The following ARHGEF1 variants were observed in gnomAD, a reference collection of about 807,000 sequenced individuals.
ARHGEF1 encodes Rho guanine nucleotide exchange factor 1, also known as 115 kDa guanine nucleotide exchange factor.
Under a neutral mutation model 119.7 loss-of-function variants are expected in ARHGEF1, and 40 were observed. The ratio of observed to expected loss-of-function variants is 0.33; its 90% confidence interval spans 0.26 to 0.44. The LOEUF is 0.44. Among genes scored for constraint, ARHGEF1 ranks in the 20% least tolerant of loss-of-function variants. The pLI, the probability that ARHGEF1 is intolerant of heterozygous loss-of-function variation, is 1.00. For missense variants in ARHGEF1, 976 were observed against 1,268.3 expected, an observed-to-expected ratio of 0.77 and a Z score of 3.50; for synonymous variants, 494 against 521.0, an observed-to-expected ratio of 0.95 and a Z score of 0.71.
intron 1 of ARHGEF1, among the ~76,000 whole-genome samples, chr19:41,926,794 C>G (rs1470048030): frequency 6.6e-6 from 1 of 152,156 alleles, no homozygotes; most frequent in South Asian, 2.1e-4. Context: ...AGCGACCGAT[C>G]GATTCGCTAT....
chr19:41,918,203 C>T (rs946403721), upstream of ARHGEF1, among the ~76,000 whole-genome samples: 24 of 151,910 alleles, frequency 1.6e-4, no homozygotes, highest in Non-Finnish European at 3.1e-4. Context: ...CACATGTATA[C>T]GCCACATATA....
At chr19:41,908,292 T>C, downstream of ARHGEF1, 2 of 1,231,544 alleles carry the variant, frequency 1.6e-6, no homozygotes, top group African/African-American at 3.1e-5. The surrounding 1 kb of genome is among the most constrained non-coding windows in gnomAD (Gnocchi z 6.7). Flanking sequence ...CTCATCGCCC[T>C]CGCTGTCAGA....
In ARHGEF1 at chr19:41,905,049, C is replaced by G; in HGVS notation, c.2249+13C>G. 1 of 1,613,804 alleles carries G rather than the reference C, an allele frequency of 6.2e-7. No individual in the cohort carries two copies. Among genetic ancestry groups the G allele is most frequent in the Non-Finnish European group, 8.5e-7 (1 of 1,179,738 alleles). On this transcript the variant is annotated intron_variant, in intron 23 of 28. Transcript: ENST00000354532. The surrounding 1 kb of genome is among the most constrained non-coding windows in gnomAD (Gnocchi z 6.4). The stretch of plus-strand genomic sequence containing the variant: ...CGGAGCGGAAAAAGTGAGGGGGGGT[C>G]TGAGTTCTGAGTGTGGGTGGAGGAC...
rs1192979656 is a variant in ARHGEF1 at position 41,906,120 on chromosome 19, G to A, written c.2491+95G>A. The stretch of plus-strand genomic sequence containing the variant: ...CTCTCCACGTCAAAAATTTCCTTAC[G>A]CCCAGCTGCCAGAAAACAAATGCTC... On this transcript the variant is annotated intron_variant, in intron 26 of 28. Transcript: ENST00000354532. This position sits in a 1 kb window ranked among gnomAD's most constrained non-coding sequence, Gnocchi z 4.5. 17 of 1,235,882 alleles carry A rather than the reference G, an allele frequency of 1.4e-5. No individual in the cohort carries two copies. The highest frequency in any genetic ancestry group is 1.0e-4 in the South Asian group (8 of 79,034). 76.6% of individuals were successfully genotyped at this position (1,235,882 alleles called of 1,614,324 possible). A position where few individuals can be genotyped will look rare whatever the true frequency, so the allele number is the denominator to read the frequency against.
chr19:41,907,405 A>T lies in ARHGEF1; in HGVS notation c.*318A>T. 1 of 1,533,620 alleles carries T rather than the reference A, an allele frequency of 6.5e-7. No homozygotes were observed. Among genetic ancestry groups the T allele is most frequent in the South Asian group, 1.2e-5 (1 of 83,832 alleles). On this transcript the variant is annotated 3_prime_UTR_variant, in exon 29 of 29. Coordinates refer to ENST00000354532, the MANE Select transcript of ARHGEF1 (RefSeq NM_004706.4). ...CCCCAAGTGCCTTCGCTCTGTTTTT[A>T]TACCCTGAATTGGAGGTTTATTTTT...
chr19:41,889,691 G>GC lies in ARHGEF1; in HGVS notation c.225+829dup, dbSNP rs1555845882. 2 of 152,268 alleles carry GC rather than the reference G, an allele frequency of 1.3e-5. No homozygotes were observed. Among genetic ancestry groups the GC allele is most frequent in the Non-Finnish European group, 2.9e-5 (2 of 68,068 alleles). The allele number at this position is 152,268 out of a possible 1,614,324, so 9.4% of individuals were successfully genotyped here. On this transcript the variant is annotated intron_variant, in intron 4 of 28. Coordinates refer to ENST00000354532, the MANE Select transcript of ARHGEF1 (RefSeq NM_004706.4). The surrounding 1 kb of genome is among the most constrained non-coding windows in gnomAD (Gnocchi z 4.0). ...GGAAACCGATAGAGTGGGGAGAAGT[G>GC]CCCGAGGCATGCAGAAAGAAGAACA...
intron 14 of ARHGEF1, among the ~76,000 whole-genome samples, chr19:41,899,412 T>A (rs957351861): frequency 2.0e-5 from 3 of 152,060 alleles, no homozygotes; most frequent in Non-Finnish European, 2.9e-5. Flanking sequence ...TGCTTCTGCG[T>A]GGAGAGATGA....
chr19:41,885,932 T>C (rs2074288159), intron 1 of ARHGEF1, among the ~76,000 whole-genome samples: 1 of 151,802 alleles, frequency 6.6e-6, no homozygotes, highest in Admixed American at 6.6e-5. Flanking sequence ...TTTGTAGAGA[T>C]GGGGGTTTCA....
chr19:41,905,708 G>T lies in ARHGEF1; in HGVS notation c.2337-52G>T. ...TCCAGCTCTCTGTCTCCCTGCCCCTGCGGCCCCCCAGGGCCAGGGGTGTGG... is the reference window on the plus strand; with the variant it reads ...TCCAGCTCTCTGTCTCCCTGCCCCTTCGGCCCCCCAGGGCCAGGGGTGTGG... On this transcript the variant is annotated intron_variant, in intron 24 of 28. Transcript: ENST00000354532. The surrounding 1 kb of genome is among the most constrained non-coding windows in gnomAD (Gnocchi z 6.4). The T allele has an allele frequency of 6.3e-7, 1 of 1,593,114 alleles. No individual in the cohort carries two copies.
chr19:41,892,612 G>C lies in ARHGEF1; in HGVS notation c.377G>C (p.Arg126Thr). 3 of 1,603,422 alleles carry C rather than the reference G, an allele frequency of 1.9e-6. No homozygotes were observed. Among genetic ancestry groups the C allele is most frequent in the Non-Finnish European group, 1.7e-6 (2 of 1,173,564 alleles). ...PNVAFELDRT[R>T]ADLISEDVQR... ...ATGTGTGTCCCTGCAGACCGCACTA[G>C]GGCTGACCTCATCTCCGAGGATGTC... The change falls in exon 7 of 29, where the codon AGG becomes ACG. Residue 126 changes from arginine to threonine, a missense_variant. Transcript: ENST00000354532. The surrounding 1 kb of genome is among the most constrained non-coding windows in gnomAD (Gnocchi z 6.3).
downstream of ARHGEF1, chr19:41,909,037 C>A: frequency 8.3e-7 from 1 of 1,209,682 alleles, no homozygotes; most frequent in Non-Finnish European, 1.0e-6. The surrounding 1 kb of genome is among the most constrained non-coding windows in gnomAD (Gnocchi z 5.2). Flanking sequence ...GCCCCCAGCA[C>A]CCCAGAACCT....
chr19:41,903,830 C>T lies in ARHGEF1; in HGVS notation c.1917+46C>T. ...CTCCCCCGCCCCCCTACTCCTTGGCCCAGGGGATTCTGTGATACAGCCCCC... is the reference window on the plus strand; with the variant it reads ...CTCCCCCGCCCCCCTACTCCTTGGCTCAGGGGATTCTGTGATACAGCCCCC... On this transcript the variant is annotated intron_variant, in intron 20 of 28. Coordinates refer to ENST00000354532, the MANE Select transcript of ARHGEF1 (RefSeq NM_004706.4). This position sits in a 1 kb window ranked among gnomAD's most constrained non-coding sequence, Gnocchi z 4.2. 6.3e-7 allele frequency: 1 copy of T among 1,591,862 alleles called. No homozygotes were observed. Among genetic ancestry groups the T allele is most frequent in the Non-Finnish European group, 8.6e-7 (1 of 1,161,682 alleles).
rs1555849456 is a variant in ARHGEF1 at position 41,903,371 on chromosome 19, C to T, written c.1803C>T (p.His601=). 6.2e-6 allele frequency: 10 copies of T among 1,613,838 alleles called. No individual in the cohort carries two copies. Among genetic ancestry groups the T allele is most frequent in the African/African-American group, 2.7e-5 (2 of 74,928 alleles). ...AGTGCTGCCGGGAAATTCTACACCA[C>T]GTCAACCAAGCCGTGCGTGACATGG... is the stretch of plus-strand genomic sequence containing the variant. ...AAECCREILH[H]VNQAVRDMED... Residue 601 remains histidine, a synonymous_variant, in exon 19 of 29, where the codon CAC becomes CAT. Coordinates refer to ENST00000354532, the MANE Select transcript of ARHGEF1 (RefSeq NM_004706.4). This position sits in a 1 kb window ranked among gnomAD's most constrained non-coding sequence, Gnocchi z 4.2.
rs782549646 is a variant in ARHGEF1 at position 41,905,848 on chromosome 19, G to A, written c.2404+21G>A. On this transcript the variant is annotated intron_variant, in intron 25 of 28. Transcript: ENST00000354532. The surrounding 1 kb of genome is among the most constrained non-coding windows in gnomAD (Gnocchi z 6.4). ...TGATGGTGAGACCAGAGGGATGCTGGGTGAGGGGCCAGGTTGGGGCTGCCG... is the reference window on the plus strand; with the variant it reads ...TGATGGTGAGACCAGAGGGATGCTGAGTGAGGGGCCAGGTTGGGGCTGCCG... The A allele has an allele frequency of 3.1e-6, 5 of 1,614,086 alleles. No homozygotes were observed. The East Asian group carries it at 1.1e-4, about 36-fold the overall frequency.
Position 41,906,873 on chromosome 19 carries a change from A to G in ARHGEF1, c.*17+70A>G. 2 of 1,238,514 alleles carry G rather than the reference A, an allele frequency of 1.6e-6. No homozygotes were observed. Among genetic ancestry groups the G allele is most frequent in the Non-Finnish European group, 2.2e-6 (2 of 891,992 alleles). 76.7% of individuals were successfully genotyped at this position (1,238,514 alleles called of 1,614,324 possible). A position where few individuals can be genotyped will look rare whatever the true frequency, so the allele number is the denominator to read the frequency against. Reference sequence around the variant, plus strand: ...GTCCCCCTCCAGAGCTCGCATCCCTACAGCCCCTTCTGTCCATCTCCCTCT... The same window carrying G: ...GTCCCCCTCCAGAGCTCGCATCCCTGCAGCCCCTTCTGTCCATCTCCCTCT... On this transcript the variant is annotated intron_variant, in intron 28 of 28. Transcript: ENST00000354532. The surrounding 1 kb of genome is among the most constrained non-coding windows in gnomAD (Gnocchi z 4.5).
rs1024573552 is a variant in ARHGEF1, at chr19:41,904,370, C to T, written c.2148C>T (p.Arg716=). The T allele has an allele frequency of 2.3e-5, 37 of 1,578,604 alleles. No homozygotes were observed. Among genetic ancestry groups the T allele is most frequent in the African/African-American group, 6.7e-5 (5 of 74,300 alleles). The change falls in exon 22 of 29, where the codon CGC becomes CGT. Residue 716 remains arginine (R), a synonymous_variant. Transcript: ENST00000354532. The surrounding 1 kb of genome is among the most constrained non-coding windows in gnomAD (Gnocchi z 8.4). The part of the protein sequence containing the change: ...PVLRLTSAMT[R]EVATDHKAFY... ...TGCGGCTCACCTCCGCCATGACCCG[C>T]GAGGTGGCCACCGGTGAGTGCAGCC...
intron 13 of ARHGEF1, chr19:41,897,881 T>G: frequency 1.6e-6 from 2 of 1,273,950 alleles, no homozygotes; most frequent in Non-Finnish European, 2.0e-6. Flanking sequence ...TCTGTTCTTG[T>G]CTTGGTCTCT....
chr19:41,927,854 C>A (rs1380171045), intron 1 of ARHGEF1, among the ~76,000 whole-genome samples: 1 of 151,916 alleles, frequency 6.6e-6, no homozygotes, highest in Admixed American at 6.5e-5. Context: ...CTCCCACCTT[C>A]CCAGAGTTGG....
chr19:41,903,015 A>T lies in ARHGEF1; in HGVS notation c.1738+117A>T. 1.2e-6 allele frequency: 1 copy of T among 867,396 alleles called. No individual in the cohort carries two copies. 53.7% of individuals were successfully genotyped at this position (867,396 alleles called of 1,614,324 possible). On this transcript the variant is annotated intron_variant, in intron 18 of 28. Transcript: ENST00000354532. This position sits in a 1 kb window ranked among gnomAD's most constrained non-coding sequence, Gnocchi z 4.2. ...CTCACTGCAGCCTCAACCTCCCAGG[A>T]TCTACCATCCTCCCACCTCAGCTCC...
Sources: gnomAD v4.1 joint callset for allele counts (sites outside exome capture counted in the v4.1 genomes callset) on GRCh38, gnomAD v4.1.1 for gene constraint, Gnocchi (gnomAD v3.1) non-coding constraint, MANE v1.5 for transcripts, NCBI Gene and HGNC (gene_info 2026-07-23, HGNC 2026-07-21) for gene names.